SAXO1: variants seen among roughly 807,000 people sequenced by gnomAD.
SAXO1 encodes 4930500O09Rik.
A neutral mutation model predicts 17.5 loss-of-function variants in SAXO1; 21 were observed. The ratio of observed to expected loss-of-function variants is 1.20; its 90% CI spans 0.85 to 1.72. The LOEUF is 1.72. SAXO1 is among the 40% of genes most tolerant of loss of function. SAXO1 has a pLI of 0.00. For missense variants in SAXO1, 843 were observed against 596.0 expected, an observed-to-expected ratio of 1.41 and a Z score of -4.32; for synonymous variants, 274 against 216.5, an observed-to-expected ratio of 1.27 and a Z score of -2.33.
intron 1 of SAXO1, among the ~76,000 whole-genome samples, chr9:19,012,095 T>C (rs7037262): frequency 0.5 from 75,847 of 151,856 alleles, 19,392 homozygotes; most frequent in Non-Finnish European, 0.57. Flanking sequence ...CCGCCCACCT[T>C]GGCCTCCCAA....
chr9:18,967,019 T>C (rs746990286), intron 1 of SAXO1, among the ~76,000 whole-genome samples: 4 of 152,210 alleles, frequency 2.6e-5, no homozygotes, highest in Non-Finnish European at 4.4e-5. Context: ...GCAGGTCTGC[T>C]AGAGTTTGAT....
intron 1 of SAXO1, among the ~76,000 whole-genome samples, chr9:18,975,517 T>A (rs560436530): frequency 2.0e-5 from 3 of 152,232 alleles, no homozygotes; most frequent in East Asian, 3.9e-4. Context: ...ATGAGAAGGT[T>A]TAGAGGATTT....
rs545640943 is a variant in SAXO1 at position 18,927,661 on chromosome 9, T to G, written c.*391A>C. ...CTGCATAGCCAGCCTACAGATTCAT[T>G]CCCCCCAAAATAAAATTTATTCTTT... is the stretch of plus-strand genomic sequence containing the variant. On this transcript the variant is annotated 3_prime_UTR_variant, in exon 4 of 4. Transcript: ENST00000380534. The G allele has an allele frequency of 1.8e-4, 30 of 166,392 alleles. No homozygotes were observed. Among genetic ancestry groups the G allele is most frequent in the African/African-American group, 6.9e-4 (29 of 41,916 alleles). The allele number at this position is 166,392 out of a possible 1,614,324, so 10.3% of individuals were successfully genotyped here.
At chr9:18,935,193 C>T (rs1463810933) in intron 3 of SAXO1, among the ~76,000 whole-genome samples, 3 of 152,146 alleles carry the variant, frequency 2.0e-5, no homozygotes, top group East Asian at 1.9e-4. Context: ...GGATTATAGA[C>T]GTGAGCCACC....
At chr9:18,962,315 G>A (rs1021819767) in intron 1 of SAXO1, among the ~76,000 whole-genome samples, 16 of 152,290 alleles carry the variant, frequency 1.1e-4, no homozygotes, top group South Asian at 2.1e-4. Flanking sequence ...TGATCTGCCC[G>A]CCTTGGCCTC....
chr9:19,022,368 C>A (rs1462375628), intron 1 of SAXO1, among the ~76,000 whole-genome samples: 1 of 152,206 alleles, frequency 6.6e-6, no homozygotes, highest in Non-Finnish European at 1.5e-5. Flanking sequence ...GTGAGTGAGA[C>A]CAAGAATCCA....
In SAXO1 at chr9:18,941,673, A is replaced by G. The variant is rs770759213; in HGVS notation, c.385T>C (p.Cys129Arg). The G allele has an allele frequency of 3.1e-6, 5 of 1,614,048 alleles. No homozygotes were observed. Among genetic ancestry groups the G allele is most frequent in the African/African-American group, 2.7e-5 (2 of 74,916 alleles). The change falls in exon 3 of 4, where the codon TGT becomes CGT. Residue 129 changes from cysteine to arginine, a missense_variant. Physicochemically the swap from Cys to Arg is radical, Grantham distance 180. Coordinates refer to ENST00000380534, the MANE Select transcript of SAXO1 (RefSeq NM_153707.4). ...GGCAAACACTCCATCTTGTCGCTACATGGATATTTACTGTCCCGAGGTTTG... is the reference window on the plus strand; with the variant it reads ...GGCAAACACTCCATCTTGTCGCTACGTGGATATTTACTGTCCCGAGGTTTG... ...PIKPRDSKYP[C>R]SDKMECLPTY...
At chr9:18,954,726 T>C (rs1832184209) in intron 1 of SAXO1, among the ~76,000 whole-genome samples, 2 of 152,190 alleles carry the variant, frequency 1.3e-5, no homozygotes, top group Non-Finnish European at 2.9e-5. Context: ...AAATCTGAAG[T>C]TCCGAATGAT....
At chr9:19,018,764 C>T (rs939504731) in intron 1 of SAXO1, among the ~76,000 whole-genome samples, 4 of 152,212 alleles carry the variant, frequency 2.6e-5, no homozygotes, top group Non-Finnish European at 4.4e-5. Context: ...TGGTTAGAGA[C>T]AGGACGCTGA....
chr9:18,928,169 A>G lies in SAXO1; in HGVS notation c.1308T>C (p.Asp436=). Residue 436 remains aspartate (D), a synonymous_variant, in exon 4 of 4, where the codon GAT becomes GAC. Coordinates refer to ENST00000380534, the MANE Select transcript of SAXO1 (RefSeq NM_153707.4). ...GTTTGTATATCCTGTGACCCAAAGC[A>G]TCCACTTCCTCAAAGGTGTAGCCAG... ...EPPGYTFEEV[D]ALGHRIYKPV... 6.2e-7 allele frequency: 1 copy of G among 1,614,208 alleles called. No homozygotes were observed. Among genetic ancestry groups the G allele is most frequent in the Non-Finnish European group, 8.5e-7 (1 of 1,180,034 alleles).
chr9:18,947,398 C>T (rs752803456), intron 2 of SAXO1, among the ~76,000 whole-genome samples: 4 of 152,090 alleles, frequency 2.6e-5, no homozygotes, highest in Non-Finnish European at 5.9e-5. Flanking sequence ...GTGATAGAGT[C>T]GATGCTACCA....
At chr9:18,939,378 G>C (rs1831450581) in intron 3 of SAXO1, among the ~76,000 whole-genome samples, 1 of 152,210 alleles carries the variant, frequency 6.6e-6, no homozygotes, top group South Asian at 2.1e-4. Context: ...AATTGGGAAA[G>C]AAAAAGACAA....
intron 1 of SAXO1, among the ~76,000 whole-genome samples, chr9:18,988,833 AAT>A (rs1468408798): frequency 6.6e-6 from 1 of 152,196 alleles, no homozygotes; most frequent in Non-Finnish European, 1.5e-5. Flanking sequence ...CCTATGGGAA[AAT>A]ATGATTCGCT....
intron 1 of SAXO1, among the ~76,000 whole-genome samples, chr9:19,009,553 CTG>C (rs1467966583): frequency 6.6e-6 from 1 of 151,506 alleles, no homozygotes; most frequent in Non-Finnish European, 1.5e-5. Flanking sequence ...CAGGTGGAAA[CTG>C]TGAAGTAATA....
chr9:18,995,547 G>C (rs1327901790), intron 1 of SAXO1, among the ~76,000 whole-genome samples: 1 of 152,182 alleles, frequency 6.6e-6, no homozygotes, highest in Non-Finnish European at 1.5e-5. Context: ...GGATGCTGCT[G>C]CTATTCCCTT....
At chr9:19,017,160 C>A (rs1357283016) in intron 1 of SAXO1, among the ~76,000 whole-genome samples, 1 of 150,798 alleles carries the variant, frequency 6.6e-6, no homozygotes. Flanking sequence ...AGGCAAAGGG[C>A]AAAGGCAGAA....
At chr9:19,031,580 C>T (rs189271026) in intron 1 of SAXO1, among the ~76,000 whole-genome samples, 82 of 152,196 alleles carry the variant, frequency 5.4e-4, no homozygotes, top group Admixed American at 2.9e-3. Flanking sequence ...AAAAGAAAGG[C>T]GGCCTTAGAA....
intron 1 of SAXO1, among the ~76,000 whole-genome samples, chr9:19,047,609 T>C (rs1836252482): frequency 6.6e-6 from 1 of 152,176 alleles, no homozygotes; most frequent in Non-Finnish European, 1.5e-5. Context: ...ATTTCGAATA[T>C]GTTTTTAGAG....
chr9:18,941,857 C>A lies in SAXO1; in HGVS notation c.219-18G>T, dbSNP rs1164108533. On this transcript the variant is annotated intron_variant, in intron 2 of 3. Transcript: ENST00000380534. ...AATCTCTCCTGTAAGGAAGCAAGTG[C>A]ATGCTGTTGGGGTCCTTGGCTTGCG... 1.9e-6 allele frequency: 3 copies of A among 1,613,344 alleles called. No homozygotes were observed. The highest frequency in any genetic ancestry group is 1.7e-6 in the Non-Finnish European group (2 of 1,179,298).
Sources: gnomAD v4.1 joint callset for allele counts (sites outside exome capture counted in the v4.1 genomes callset) on GRCh38, gnomAD v4.1.1 for gene constraint, MANE v1.5 for transcripts, NCBI Gene and HGNC (gene_info 2026-07-23, HGNC 2026-07-21) for gene names.